LIPH: variants seen among roughly 807,000 people sequenced by gnomAD.
LIPH encodes lipase member H.
LIPH carries 32 observed loss-of-function variants against 47.6 expected under a neutral mutation model. The ratio of observed to expected loss-of-function variants is 0.67; its 90% confidence interval spans 0.51 to 0.90. LIPH has a LOEUF of 0.90. Ranked by LOEUF, LIPH falls within the 40% of genes least tolerant of loss-of-function variation. The pLI is 0.00. For missense variants in LIPH, 497 were observed against 541.4 expected, an observed-to-expected ratio of 0.92 and a Z score of 0.81; for synonymous variants, 190 against 195.6, an observed-to-expected ratio of 0.97 and a Z score of 0.24.
intron 9 of LIPH, among the ~76,000 whole-genome samples, chr3:185,510,655 C>A (rs544947270): frequency 5.9e-5 from 9 of 152,198 alleles, no homozygotes; most frequent in African/African-American, 1.7e-4. Flanking sequence ...CAAAGGCGGG[C>A]GGATACTTGA....
At position 185,511,666 on chromosome 3, in the gene LIPH, C is replaced by T. The variant is rs551818635; in HGVS notation, c.1126G>A (p.Val376Met). The T allele has an allele frequency of 2.5e-6, 4 of 1,613,270 alleles. 1 individual carries two copies. In the Admixed American group the frequency reaches 6.7e-5, roughly 27 times the overall value. The change falls in exon 9 of 10, where the codon GTG becomes ATG. Residue 376 changes from valine to methionine, a missense_variant. Physicochemically the swap from Val to Met is conservative, Grantham distance 21. Coordinates refer to ENST00000296252, the MANE Select transcript of LIPH (RefSeq NM_139248.3). ...TGATTAAATCTTGCAAGTAGACTCACTTGGTGATATTTCTGAAATGTGGTG... is the reference window on the plus strand; with the variant it reads ...TGATTAAATCTTGCAAGTAGACTCATTTGGTGATATTTCTGAAATGTGGTG... ...EPTTFQKYHQ[V>M]SLLARFNQDL... is the part of the protein sequence containing the mutation.
At chr3:185,543,633 T>A (rs1445155131) in intron 1 of LIPH, among the ~76,000 whole-genome samples, 1 of 152,026 alleles carries the variant, frequency 6.6e-6, no homozygotes, top group African/African-American at 2.4e-5. Context: ...GTAATCCCAG[T>A]GTTCTGGGAG....
At chr3:185,533,054 T>C (rs1246082345) in intron 3 of LIPH, among the ~76,000 whole-genome samples, 4 of 152,184 alleles carry the variant, frequency 2.6e-5, no homozygotes, top group Middle Eastern at 3.2e-3. Context: ...AGGCAGGAGA[T>C]TCCAGCAAAG....
At chr3:185,548,525 C>T (rs894177310) in intron 1 of LIPH, among the ~76,000 whole-genome samples, 55 of 150,956 alleles carry the variant, frequency 3.6e-4, no homozygotes, top group African/African-American at 1.2e-3. Flanking sequence ...GTCAGGAGTT[C>T]GAGACCAGCC....
At chr3:185,525,681 C>T (rs1404915416) in intron 4 of LIPH, among the ~76,000 whole-genome samples, 1 of 152,124 alleles carries the variant, frequency 6.6e-6, no homozygotes, top group Non-Finnish European at 1.5e-5. Flanking sequence ...AGGGCAAAAC[C>T]TGGGATCTGA....
intron 1 of LIPH, among the ~76,000 whole-genome samples, chr3:185,536,665 C>A (rs1429313836): frequency 1.3e-5 from 2 of 151,682 alleles, no homozygotes; most frequent in Non-Finnish European, 2.9e-5. Context: ...AAAACCAACC[C>A]CCCCAAATAA....
chr3:185,512,107 G>A (rs553362375), intron 8 of LIPH, among the ~76,000 whole-genome samples: 21 of 152,248 alleles, frequency 1.4e-4, no homozygotes, highest in Non-Finnish European at 8.8e-5. Context: ...CAGAGATCAA[G>A]CTCCCCAGGT....
At chr3:185,534,036 C>A (rs1720422951) in intron 2 of LIPH, among the ~76,000 whole-genome samples, 2 of 152,066 alleles carry the variant, frequency 1.3e-5, no homozygotes, top group African/African-American at 4.8e-5. Flanking sequence ...CCAGCCTGAC[C>A]AACATGGAGA....
At chr3:185,524,244 A>G in intron 4 of LIPH, 84 bp from the exon 5 acceptor site, 1 of 796,980 alleles carries the variant, frequency 1.3e-6, no homozygotes, top group South Asian at 1.4e-5. Flanking sequence ...ATAAGCAGGA[A>G]TTGTATTATT....
chr3:185,517,069 CAGA>C lies in LIPH; in HGVS notation c.977_979del (p.Phe326del), dbSNP rs777819314. On this transcript the variant is annotated inframe_deletion, in exon 7 of 10. Transcript: ENST00000296252. ...CAACAACCACATTCACCACTCACTG[CAGA>C]ATGGGCTCTCCTCAGCTGTGTCAAA... 6.2e-7 allele frequency: 1 copy of C among 1,603,034 alleles called. No homozygotes were observed. Among genetic ancestry groups the C allele is most frequent in the African/African-American group, 1.3e-5 (1 of 74,830 alleles).
intron 3 of LIPH, among the ~76,000 whole-genome samples, chr3:185,530,964 C>T (rs1720313480): frequency 6.6e-6 from 1 of 152,138 alleles, no homozygotes; most frequent in Non-Finnish European, 1.5e-5. Context: ...GGACAGTTTT[C>T]AGAGTGATAA....
In LIPH at chr3:185,552,505, A is replaced by G. The variant is rs201793169; in HGVS notation, c.-34T>C. The G allele has an allele frequency of 2.0e-6, 3 of 1,474,664 alleles. No homozygotes were observed. The highest frequency in any genetic ancestry group is 1.1e-5 in the South Asian group (1 of 88,174). The allele number at this position is 1,474,664 out of a possible 1,614,324, so 91.3% of individuals were successfully genotyped here. A position where few individuals can be genotyped will look rare whatever the true frequency, so the allele number is the denominator to read the frequency against. The stretch of plus-strand genomic sequence containing the variant: ...TGGAGAGATCGTGTGTCACATTCAC[A>G]AGAATGATTTACTTCGCAGAGGCTT... On this transcript the variant is annotated 5_prime_UTR_variant, in exon 1 of 10. Transcript: ENST00000296252.
At chr3:185,510,488 T>C (rs1196653771) in intron 9 of LIPH, among the ~76,000 whole-genome samples, 2 of 152,196 alleles carry the variant, frequency 1.3e-5, no homozygotes, top group Non-Finnish European at 2.9e-5. Flanking sequence ...TCTGGCACAA[T>C]TGAGAATAGA....
intron 8 of LIPH, among the ~76,000 whole-genome samples, chr3:185,512,545 G>A (rs1427628606): frequency 3.3e-5 from 5 of 149,748 alleles, no homozygotes; most frequent in African/African-American, 9.9e-5. Context: ...CTGGAGTGCA[G>A]TGGTGTGATC....
intron 3 of LIPH, among the ~76,000 whole-genome samples, chr3:185,530,103 G>A (rs753998467): frequency 3.3e-5 from 5 of 152,128 alleles, no homozygotes; most frequent in African/African-American, 4.8e-5. Flanking sequence ...GCTTGAGGCC[G>A]GGAGTTTGAG....
intron 1 of LIPH, among the ~76,000 whole-genome samples, chr3:185,547,881 A>G (rs1230615644): frequency 6.6e-6 from 1 of 152,114 alleles, no homozygotes; most frequent in Non-Finnish European, 1.5e-5. Context: ...ACCCAGATAA[A>G]GATTAACAGA....
intron 3 of LIPH, among the ~76,000 whole-genome samples, chr3:185,529,012 A>C (rs1367359755): frequency 6.8e-6 from 1 of 146,146 alleles, no homozygotes; most frequent in African/African-American, 2.6e-5. Flanking sequence ...AAATACCAAA[A>C]AAAAAAAAAA....
intron 1 of LIPH, among the ~76,000 whole-genome samples, chr3:185,549,622 G>A (rs749171095): frequency 6.6e-6 from 1 of 152,122 alleles, no homozygotes; most frequent in African/African-American, 2.4e-5. Context: ...AAACCCTGAG[G>A]AATTGTTAAA....
chr3:185,534,600 G>C (rs911996907), intron 2 of LIPH, among the ~76,000 whole-genome samples, 165 bp downstream of exon 2: 11 of 152,154 alleles, frequency 7.2e-5, no homozygotes, highest in Non-Finnish European at 1.6e-4. Context: ...CATACCTATG[G>C]ACATTTTGCA....
Sources: allele counts gnomAD v4.1 joint callset (sites outside exome capture counted in the v4.1 genomes callset), GRCh38; gene constraint gnomAD v4.1.1; transcripts MANE v1.5; gene names NCBI Gene and HGNC (gene_info 2026-07-23, HGNC 2026-07-21).